The following NCOA6 variants were observed in gnomAD, a reference collection of about 807,000 sequenced individuals.
NCOA6 encodes the protein NRC RAP250.
NCOA6 carries 49 observed loss-of-function variants against 171.4 expected under a neutral mutation model. The observed-to-expected ratio is 0.29, with a 90% CI of 0.23 to 0.36. The LOEUF is 0.36. Ranked by LOEUF, NCOA6 falls within the 10% of genes least tolerant of loss-of-function variation. NCOA6 has a pLI of 1.00. For synonymous variants in NCOA6, 910 were observed against 927.5 expected (o/e 0.98, Z 0.34); for missense variants, 2,248 against 2,554.5 (o/e 0.88, Z 2.59).
At chr20:34,788,458 G>C (rs1010913627) in intron 2 of NCOA6, among the ~76,000 whole-genome samples, 5 of 152,134 alleles carry the variant, frequency 3.3e-5, no homozygotes, top group Non-Finnish European at 7.3e-5. Flanking sequence ...TCATTGCCAC[G>C]GAGAGGGGTG....
intron 1 of NCOA6, among the ~76,000 whole-genome samples, chr20:34,815,589 T>C (rs181172985): frequency 6.6e-6 from 1 of 152,136 alleles, no homozygotes. Context: ...AGAGGTAATT[T>C]TGAAGAATGG....
intron 5 of NCOA6, 110 bp from the exon 6 acceptor site, chr20:34,759,043 G>C: frequency 1.0e-6 from 1 of 973,290 alleles, no homozygotes; most frequent in Non-Finnish European, 1.4e-6. Flanking sequence ...TTTTTTTTTT[G>C]ACAGGGTCTC....
In NCOA6 at chr20:34,715,298, G is replaced by A. The variant is rs753576133; in HGVS notation, c.*24C>T. 6.2e-7 allele frequency: 1 copy of A among 1,613,854 alleles called. No individual in the cohort carries two copies. The highest frequency in any genetic ancestry group is 8.5e-7 in the Non-Finnish European group (1 of 1,179,782). On this transcript the variant is annotated 3_prime_UTR_variant, in exon 15 of 15. Coordinates refer to ENST00000359003, the MANE Select transcript of NCOA6 (RefSeq NM_014071.5). ...TTGTAAAAGTCACACACATTTCCAA[G>A]TATCAAGTCGCAGTCCTGCTTGTTT...
At chr20:34,789,327 A>G (rs773979075) in intron 2 of NCOA6, among the ~76,000 whole-genome samples, 1 of 152,236 alleles carries the variant, frequency 6.6e-6, no homozygotes, top group African/African-American at 2.4e-5. Flanking sequence ...ATATAAGGAT[A>G]AAAAGGTTAT....
intron 2 of NCOA6, among the ~76,000 whole-genome samples, chr20:34,785,795 A>G (rs1036468639): frequency 6.6e-6 from 1 of 151,780 alleles, no homozygotes; most frequent in African/African-American, 2.4e-5. Flanking sequence ...CATGAGGACT[A>G]TGTATCTAGA....
At chr20:34,778,602 A>G in intron 3 of NCOA6, among the ~76,000 whole-genome samples, 1 of 151,208 alleles carries the variant, frequency 6.6e-6, no homozygotes. Context: ...TAATTTTTGT[A>G]TTTTTAGTAG....
chr20:34,719,535 C>T (rs1989045603), intron 14 of NCOA6, among the ~76,000 whole-genome samples: 1 of 151,640 alleles, frequency 6.6e-6, no homozygotes. Context: ...GGAGGCTGAG[C>T]CAGGAGAATC....
rs538836141 is a variant in NCOA6, at chr20:34,784,293, T to C, written c.-49-1889A>G. On this transcript the variant is annotated intron_variant, in intron 2 of 14. Transcript: ENST00000359003. Reference sequence around the variant, plus strand: ...TTGCTGGAATGTAGTGGCAAAAACATGGCTCACTGCAGCCTCAACCTCCTG... The same window carrying C: ...TTGCTGGAATGTAGTGGCAAAAACACGGCTCACTGCAGCCTCAACCTCCTG... 3.3e-5 allele frequency among the ~76,000 whole-genome samples: 5 copies of C among 151,922 alleles called. No individual in the cohort carries two copies. The South Asian group carries it at 6.2e-4, about 19-fold the overall frequency.
chr20:34,806,288 G>A (rs2078447880), intron 1 of NCOA6, among the ~76,000 whole-genome samples: 1 of 152,132 alleles, frequency 6.6e-6, no homozygotes, highest in Non-Finnish European at 1.5e-5. Flanking sequence ...AAACATTTCA[G>A]TTCCTTCTTT....
chr20:34,721,610 T>C (rs1260847662), intron 14 of NCOA6, among the ~76,000 whole-genome samples: 1 of 152,144 alleles, frequency 6.6e-6, no homozygotes, highest in Non-Finnish European at 1.5e-5. Context: ...TTCACACTCC[T>C]ATGAGAATCT....
intron 2 of NCOA6, 127 bp downstream of exon 2, chr20:34,792,323 A>G (rs1478708724): frequency 1.1e-5 from 4 of 380,792 alleles, no homozygotes; most frequent in Non-Finnish European, 1.9e-5. Flanking sequence ...TATTTTATTA[A>G]ATGTCTCCAA....
chr20:34,817,948 T>G (rs1289881539), intron 1 of NCOA6, among the ~76,000 whole-genome samples: 1 of 152,176 alleles, frequency 6.6e-6, no homozygotes, highest in East Asian at 1.9e-4. Context: ...CAGCTTGGAA[T>G]AGAAATGGGT....
At chr20:34,719,308 T>C (rs1399091914) in intron 14 of NCOA6, among the ~76,000 whole-genome samples, 3 of 152,162 alleles carry the variant, frequency 2.0e-5, no homozygotes, top group African/African-American at 7.2e-5. Context: ...GTACTATTTC[T>C]ATCCGAGACG....
chr20:34,816,424 G>C (rs1330827889), intron 1 of NCOA6, among the ~76,000 whole-genome samples: 1 of 152,150 alleles, frequency 6.6e-6, no homozygotes, highest in Admixed American at 6.5e-5. Flanking sequence ...TTTGGACACA[G>C]AGACATACAG....
At chr20:34,786,024 T>C (rs1179030556) in intron 2 of NCOA6, among the ~76,000 whole-genome samples, 1 of 152,196 alleles carries the variant, frequency 6.6e-6, no homozygotes, top group East Asian at 1.9e-4. Flanking sequence ...TTAATTGGTA[T>C]ACTCAGAGAT....
chr20:34,736,695 C>A lies in NCOA6; in HGVS notation c.5957G>T (p.Arg1986Ile). The A allele has an allele frequency of 6.2e-7, 1 of 1,608,092 alleles. No individual in the cohort carries two copies. Among genetic ancestry groups the A allele is most frequent in the Non-Finnish European group, 8.5e-7 (1 of 1,176,864 alleles). ...TTTTCCAAAGTACGCCTTACCTGGT[C>A]TGGCAACAGAGGCCTGCAGTGCTGT... ...STTALQASVA[R>I]PELEVNAAIV... is the part of the protein sequence containing the mutation. The change falls in exon 12 of 15, where the codon AGA (arginine) becomes ATA (isoleucine). Residue 1986 changes from arginine to isoleucine, a missense_variant. Physicochemically the swap from Arg to Ile is moderately conservative, Grantham distance 97. This residue lies in a region of NCOA6 where 884 missense variants were observed against 941.9 expected (regional missense o/e 0.94). Transcript: ENST00000359003.
At chr20:34,822,022 C>T (rs1236997685) in intron 1 of NCOA6, among the ~76,000 whole-genome samples, 1 of 152,088 alleles carries the variant, frequency 6.6e-6, no homozygotes, top group East Asian at 1.9e-4. Flanking sequence ...ACAGCCTCTG[C>T]CTTAGTTCAG....
intron 13 of NCOA6, among the ~76,000 whole-genome samples, chr20:34,729,991 G>A (rs1252527501): frequency 6.6e-6 from 1 of 152,132 alleles, no homozygotes; most frequent in Non-Finnish European, 1.5e-5. Context: ...TTTGAGAGGT[G>A]GTGAAGATGG....
At chr20:34,816,359 T>C (rs547523532) in intron 1 of NCOA6, among the ~76,000 whole-genome samples, 2 of 152,212 alleles carry the variant, frequency 1.3e-5, no homozygotes, top group East Asian at 3.9e-4. Flanking sequence ...TCAATTAAGA[T>C]GAAGTTACTC....
Sources: allele counts gnomAD v4.1 joint callset (sites outside exome capture counted in the v4.1 genomes callset), GRCh38; gene constraint gnomAD v4.1.1; regional missense constraint gnomAD v4.1.1; transcripts MANE v1.5; gene names NCBI Gene and HGNC (gene_info 2026-07-23, HGNC 2026-07-21).